HMGB1: variants seen among roughly 807,000 people sequenced by gnomAD.
HMGB1 encodes the protein high mobility group protein B1.
For missense variants in HMGB1, 79 were observed against 253.5 expected (o/e 0.31, Z 4.67); for synonymous variants, 81 against 84.0 (o/e 0.96, Z 0.19).
rs183781161 is a variant in HMGB1 at position 30,583,641 on chromosome 13, C to T, written c.-15+33030G>A. ...GGATCATGAGGTCAAGAGATCGAGACCATCCTGGCCAACATGGTGAAACCC... is the reference window on the plus strand; with the variant it reads ...GGATCATGAGGTCAAGAGATCGAGATCATCCTGGCCAACATGGTGAAACCC... On this transcript the variant is annotated intron_variant, in intron 1 of 4. Transcript: ENST00000405805. 2.0e-5 allele frequency among the ~76,000 whole-genome samples: 3 copies of T among 150,112 alleles called. No individual in the cohort carries two copies. In the East Asian group the frequency reaches 5.9e-4, roughly 29 times the overall value.
chr13:30,607,921 T>C (rs914156368), intron 1 of HMGB1, among the ~76,000 whole-genome samples: 2 of 152,206 alleles, frequency 1.3e-5, no homozygotes, highest in African/African-American at 4.8e-5. Flanking sequence ...GAAATTAACA[T>C]GTTATAAAAT....
At chr13:30,592,077 T>A (rs533314871) in intron 1 of HMGB1, among the ~76,000 whole-genome samples, 1 of 152,182 alleles carries the variant, frequency 6.6e-6, no homozygotes, top group East Asian at 1.9e-4. Flanking sequence ...GAATGTCCTA[T>A]CAGAGAATTA....
intron 1 of HMGB1, among the ~76,000 whole-genome samples, chr13:30,572,575 A>AT (rs1870481115): frequency 6.6e-6 from 1 of 152,170 alleles, no homozygotes; most frequent in South Asian, 2.1e-4. Context: ...TTCTTAAGAC[A>AT]TTTTTCTAGT....
rs552256805 is a variant in HMGB1, at chr13:30,516,999, T to C, written c.-14-53305A>G. ...ATAAATGCTAAAAAAAAGTTCCAAGTATATAAAACATGAAAATAAGTATTT... is the reference window on the plus strand; with the variant it reads ...ATAAATGCTAAAAAAAAGTTCCAAGCATATAAAACATGAAAATAAGTATTT... On this transcript the variant is annotated intron_variant, in intron 1 of 4. Transcript: ENST00000405805. Among the ~76,000 whole-genome samples the C allele has an allele frequency of 1.8e-3, 269 of 152,278 alleles. 1 individual carries two copies. The highest frequency in any genetic ancestry group is 6.1e-3 in the African/African-American group (252 of 41,550).
At chr13:30,512,141 T>C (rs545623908) in intron 1 of HMGB1, among the ~76,000 whole-genome samples, 35 of 149,468 alleles carry the variant, frequency 2.3e-4, no homozygotes, top group South Asian at 1.9e-3. Context: ...TAGTGAGAGC[T>C]TGTCTCTTAA....
chr13:30,483,617 C>CTTTCT (rs113574857), intron 1 of HMGB1, among the ~76,000 whole-genome samples: 2 of 135,890 alleles, frequency 1.5e-5, no homozygotes, highest in Middle Eastern at 7.6e-3. Context: ...GTGCAAATTT[C>CTTTCT]TTTTTTTTTT....
intron 1 of HMGB1, among the ~76,000 whole-genome samples, chr13:30,486,617 G>T (rs1048537358): frequency 6.6e-6 from 1 of 152,192 alleles, no homozygotes; most frequent in South Asian, 2.1e-4. Flanking sequence ...GAACCTGTTG[G>T]ACAGGACTGT....
At chr13:30,539,472 A>G (rs1163143200) in intron 1 of HMGB1, 1 of 217,144 alleles carries the variant, frequency 4.6e-6, no homozygotes, top group East Asian at 1.1e-4. Context: ...TCCATATCTG[A>G]GCATATTCAG....
At chr13:30,464,654 C>A (rs1424519023) in intron 1 of HMGB1, 1 of 983,556 alleles carries the variant, frequency 1.0e-6, no homozygotes, top group East Asian at 1.1e-4. Flanking sequence ...CTGGCTCCGC[C>A]CGCGGCCGCC....
At chr13:30,493,201 C>G (rs758060706) in intron 1 of HMGB1, among the ~76,000 whole-genome samples, 1 of 151,634 alleles carries the variant, frequency 6.6e-6, no homozygotes, top group Non-Finnish European at 1.5e-5. Context: ...TTTGTTTATG[C>G]CATAAACAAA....
chr13:30,555,948 T>A (rs1254939875), intron 1 of HMGB1, among the ~76,000 whole-genome samples: 2 of 152,240 alleles, frequency 1.3e-5, no homozygotes, highest in African/African-American at 2.4e-5. Flanking sequence ...CTTATATGCT[T>A]AGTGGGAAAT....
At chr13:30,590,607 A>G (rs552172936) in intron 1 of HMGB1, among the ~76,000 whole-genome samples, 1 of 152,248 alleles carries the variant, frequency 6.6e-6, no homozygotes, top group Admixed American at 6.5e-5. Flanking sequence ...CAAGCCGTTC[A>G]ATGCTGTTAG....
intron 1 of HMGB1, among the ~76,000 whole-genome samples, chr13:30,474,461 G>T (rs542379364): frequency 2.1e-4 from 32 of 152,254 alleles, no homozygotes; most frequent in Middle Eastern, 3.4e-3. Context: ...GCTTTTATAG[G>T]GATACCGTGG....
chr13:30,568,005 T>C lies in HMGB1; in HGVS notation c.-15+48666A>G, dbSNP rs766357603. 1.3e-5 allele frequency among the ~76,000 whole-genome samples: 2 copies of C among 152,334 alleles called. 1 individual carries two copies. The highest frequency in any genetic ancestry group is 6.8e-3 in the Middle Eastern group (2 of 292). On this transcript the variant is annotated intron_variant, in intron 1 of 4. Transcript: ENST00000405805. ...ATTGTACCTAGAAAATTAATTTCAA[T>C]GGTCCCATGACAACATACGGGCAGT...
chr13:30,578,560 C>T (rs1566030551), intron 1 of HMGB1, among the ~76,000 whole-genome samples: 1 of 151,914 alleles, frequency 6.6e-6, no homozygotes, highest in Non-Finnish European at 1.5e-5. Flanking sequence ...GATTTCCTAA[C>T]TCTAATCTCT....
intron 1 of HMGB1, among the ~76,000 whole-genome samples, chr13:30,594,396 G>C (rs1232729850): frequency 6.6e-6 from 1 of 152,026 alleles, no homozygotes; most frequent in East Asian, 1.9e-4. Flanking sequence ...CTTGCTTTTG[G>C]AGTTCCCAGT....
chr13:30,469,338 C>T (rs2892547), upstream of HMGB1, among the ~76,000 whole-genome samples: 1 of 151,968 alleles, frequency 6.6e-6, no homozygotes, highest in Non-Finnish European at 1.5e-5. Context: ...GGATAGGGGA[C>T]GTACCTCTTT....
chr13:30,552,755 C>T (rs1158511398), intron 1 of HMGB1, among the ~76,000 whole-genome samples: 1 of 152,226 alleles, frequency 6.6e-6, no homozygotes, highest in Non-Finnish European at 1.5e-5. Context: ...TCATTCCACT[C>T]TCTCATTGTA....
intron 1 of HMGB1, among the ~76,000 whole-genome samples, chr13:30,602,166 C>T (rs891898496): frequency 2.0e-5 from 3 of 151,588 alleles, no homozygotes; most frequent in South Asian, 2.1e-4. Flanking sequence ...GACATGTCAC[C>T]GGGGACACCA....
Sources: gnomAD v4.1 joint callset for allele counts (sites outside exome capture counted in the v4.1 genomes callset) on GRCh38, gnomAD v4.1.1 for gene constraint, MANE v1.5 for transcripts, NCBI Gene and HGNC (gene_info 2026-07-23, HGNC 2026-07-21) for gene names.